Variants in TMEM132D observed in about 807,000 individuals in gnomAD.
TMEM132D encodes the protein transmembrane protein 132D.
TMEM132D carries 21 observed loss-of-function variants against 62.3 expected under a neutral mutation model. The observed-to-expected ratio is 0.34, with a 90% CI of 0.24 to 0.49. The LOEUF (loss-of-function observed/expected upper bound fraction) is 0.49, where lower values mean the gene tolerates loss of function less well. Ranked by LOEUF, TMEM132D falls within the 20% of genes least tolerant of loss-of-function variation. The probability of loss-of-function intolerance (pLI) is 0.99; values close to 1 mark genes in which losing one functional copy is unlikely to be tolerated. For synonymous variants in TMEM132D, 621 were observed against 575.6 expected (o/e 1.08, Z -1.13); for missense variants, 1,346 against 1,402.8 (o/e 0.96, Z 0.65).
chr12:129,450,174 TGA>T (rs1354405509), intron 3 of TMEM132D, among the ~76,000 whole-genome samples: 1 of 152,224 alleles, frequency 6.6e-6, no homozygotes. Context: ...TTTACTCTGT[TGA>T]GAGTTTCTTT....
intron 1 of TMEM132D, among the ~76,000 whole-genome samples, chr12:129,753,401 T>C (rs902215017): frequency 2.0e-5 from 3 of 152,372 alleles, no homozygotes; most frequent in South Asian, 2.1e-4. Context: ...AGTATCTTTT[T>C]CTTGAAACTT....
intron 3 of TMEM132D, among the ~76,000 whole-genome samples, chr12:129,527,883 G>A (rs768074054): frequency 6.6e-5 from 10 of 152,184 alleles, no homozygotes; most frequent in Admixed American, 4.6e-4. Flanking sequence ...AACAGGGAAG[G>A]ATGCAGTTAA....
chr12:129,182,035 G>T (rs755145169), intron 5 of TMEM132D, among the ~76,000 whole-genome samples: 1 of 152,074 alleles, frequency 6.6e-6, no homozygotes, highest in African/African-American at 2.4e-5. Flanking sequence ...AAGAGTGAAG[G>T]GATGAGGGGT....
intron 2 of TMEM132D, among the ~76,000 whole-genome samples, chr12:129,678,660 T>C (rs964805633): frequency 1.3e-5 from 2 of 152,102 alleles, no homozygotes; most frequent in Non-Finnish European, 2.9e-5. Flanking sequence ...TTAATTTTCC[T>C]TCAGTGCTCA....
chr12:129,829,843 G>C (rs1371617054), intron 1 of TMEM132D, among the ~76,000 whole-genome samples: 2 of 152,204 alleles, frequency 1.3e-5, no homozygotes, highest in Non-Finnish European at 2.9e-5. Context: ...GAGAAACCCA[G>C]AGCTTTTACC....
chr12:129,475,639 G>A (rs1280398752), intron 3 of TMEM132D, among the ~76,000 whole-genome samples: 1 of 152,132 alleles, frequency 6.6e-6, no homozygotes, highest in Admixed American at 6.5e-5. Flanking sequence ...ATAATAACCT[G>A]CTTACATAAT....
chr12:129,074,297 G>T lies in TMEM132D; in HGVS notation c.2878C>A (p.His960Asn). ...CTTAACCCAACCCAGTCATGAGAGT[G>T]ACTCATCCCTTCCTGCTCCTCGAAG... is the stretch of plus-strand genomic sequence containing the variant. ...VPFEEQEGMSHSHDWVGLSNR... is the reference protein window; with the variant it reads ...VPFEEQEGMSNSHDWVGLSNR... Residue 960 changes from histidine (H) to asparagine (N), a missense_variant, in exon 9 of 9, where the codon CAC becomes AAC. Transcript: ENST00000422113. The T allele has an allele frequency of 6.2e-7, 1 of 1,614,056 alleles. No homozygotes were observed. The highest frequency in any genetic ancestry group is 8.5e-7 in the Non-Finnish European group (1 of 1,180,032).
intron 3 of TMEM132D, among the ~76,000 whole-genome samples, chr12:129,464,841 T>C (rs1873828420): frequency 6.6e-6 from 1 of 152,138 alleles, no homozygotes; most frequent in Non-Finnish European, 1.5e-5. Flanking sequence ...ATCTCTGTTT[T>C]GGTACCAGTA....
At chr12:129,767,956 A>G (rs1395509269) in intron 1 of TMEM132D, among the ~76,000 whole-genome samples, 1 of 147,572 alleles carries the variant, frequency 6.8e-6, no homozygotes, top group East Asian at 2.0e-4. Context: ...CAGACAAGTG[A>G]ACAGAACTTG....
chr12:129,450,592 A>G (rs554387009), intron 3 of TMEM132D, among the ~76,000 whole-genome samples: 31 of 152,144 alleles, frequency 2.0e-4, no homozygotes, highest in Non-Finnish European at 4.0e-4. Context: ...CTATGCTTCA[A>G]AAAATATTGA....
intron 1 of TMEM132D, among the ~76,000 whole-genome samples, chr12:129,836,177 T>C (rs1315920949): frequency 6.6e-6 from 1 of 152,230 alleles, no homozygotes; most frequent in Non-Finnish European, 1.5e-5. Context: ...ATGTTTAATA[T>C]GACTGTGATG....
At chr12:129,691,228 G>T (rs1881054324) in intron 2 of TMEM132D, among the ~76,000 whole-genome samples, 1 of 151,680 alleles carries the variant, frequency 6.6e-6, no homozygotes, top group Admixed American at 6.6e-5. Flanking sequence ...CATTAGAAAA[G>T]AAAATCTAAA....
chr12:129,104,079 G>C (rs1255541772), intron 5 of TMEM132D, among the ~76,000 whole-genome samples: 1 of 150,098 alleles, frequency 6.7e-6, no homozygotes, highest in Non-Finnish European at 1.5e-5. Context: ...AGCCTGCATC[G>C]CCAAGTCAAT....
intron 5 of TMEM132D, among the ~76,000 whole-genome samples, chr12:129,186,901 C>T (rs1878237058): frequency 6.6e-6 from 1 of 152,168 alleles, no homozygotes; most frequent in Admixed American, 6.5e-5. Flanking sequence ...CTAAGTAATA[C>T]ATTTTAGACA....
intron 5 of TMEM132D, among the ~76,000 whole-genome samples, chr12:129,193,136 T>C (rs1213237947): frequency 1.5e-5 from 2 of 132,912 alleles, no homozygotes; most frequent in African/African-American, 5.8e-5. Flanking sequence ...CCAGCCTGGG[T>C]GACAGAGTGA....
intron 1 of TMEM132D, among the ~76,000 whole-genome samples, chr12:129,843,798 T>C (rs907423711): frequency 1.3e-5 from 2 of 152,156 alleles, no homozygotes; most frequent in Non-Finnish European, 2.9e-5. Context: ...CTATCAGAAC[T>C]TATCAAATGG....
rs567630424 is a variant in TMEM132D, at chr12:129,827,059, T to C, written c.79+76202A>G. On this transcript the variant is annotated intron_variant, in intron 1 of 8. Transcript: ENST00000422113. This position sits in a 1 kb window ranked among gnomAD's most constrained non-coding sequence, Gnocchi z 9.7. ...ATAATGAAATATGCAAAATACTAAA[T>C]TATGAATTGATTTTAGTGATCATTA... Among the ~76,000 whole-genome samples, 6 of 152,326 alleles carry C rather than the reference T, an allele frequency of 3.9e-5. No individual in the cohort carries two copies. In the East Asian group the frequency reaches 1.2e-3, roughly 29 times the overall value.
At chr12:129,847,840 A>G (rs953228796) in intron 1 of TMEM132D, among the ~76,000 whole-genome samples, 1 of 152,114 alleles carries the variant, frequency 6.6e-6, no homozygotes, top group African/African-American at 2.4e-5. Context: ...ACTATCACGC[A>G]GTGCGGAACC....
At chr12:129,420,688 G>A (rs939212001) in intron 3 of TMEM132D, among the ~76,000 whole-genome samples, 2 of 152,142 alleles carry the variant, frequency 1.3e-5, no homozygotes, top group African/African-American at 4.8e-5. Context: ...GCTGGCAAGC[G>A]ATAAAGACCC....
Sources: allele counts gnomAD v4.1 joint callset (sites outside exome capture counted in the v4.1 genomes callset), GRCh38; gene constraint gnomAD v4.1.1; non-coding constraint Gnocchi (gnomAD v3.1); transcripts MANE v1.5; gene names NCBI Gene and HGNC (gene_info 2026-07-23, HGNC 2026-07-21).